Variants in C21orf91 observed in about 807,000 individuals in gnomAD.
The protein encoded by C21orf91 is chromosome 21 open reading frame 91.
A neutral mutation model predicts 32.9 loss-of-function variants in C21orf91; 26 were observed. That is an observed-to-expected ratio of 0.79 (90% CI 0.58 to 1.10). The LOEUF (loss-of-function observed/expected upper bound fraction) is 1.10. C21orf91 is among the 50% of genes least tolerant of loss of function. C21orf91 has a pLI of 0.00. For synonymous variants in C21orf91, 126 were observed against 120.4 expected (o/e 1.05, Z -0.31); for missense variants, 310 against 341.3 (o/e 0.91, Z 0.72).
rs996618723 is a variant in C21orf91 at position 17,816,055 on chromosome 21, T to C, written c.127+2137A>G. The stretch of plus-strand genomic sequence containing the variant: ...GTGAGAGCTGAGAAATGACACCAGA[T>C]AGAGAAGAAATTATTTGACTCTAAT... On this transcript the variant is annotated intron_variant, in intron 2 of 4. Transcript: ENST00000284881. Among the ~76,000 whole-genome samples, 2 of 152,228 alleles carry C rather than the reference T, an allele frequency of 1.3e-5. 1 individual carries two copies. Among genetic ancestry groups the C allele is most frequent in the South Asian group, 4.1e-4 (2 of 4,834 alleles).
intron 2 of C21orf91, among the ~76,000 whole-genome samples, chr21:17,800,397 G>A (rs1378997434): frequency 4.6e-5 from 7 of 152,132 alleles, no homozygotes; most frequent in African/African-American, 1.7e-4. Flanking sequence ...AGAAAATAAT[G>A]TGAGTAGCTC....
At chr21:17,807,007 A>G (rs2062600396) in intron 2 of C21orf91, among the ~76,000 whole-genome samples, 1 of 152,214 alleles carries the variant, frequency 6.6e-6, no homozygotes, top group Admixed American at 6.5e-5. Context: ...TATCCAATAC[A>G]CTTTGTTAAT....
In C21orf91 at chr21:17,793,316, C is replaced by G. The variant is rs1321457084; in HGVS notation, c.*99G>C. ...GCCTTATGTTTGGCAAATTTAATGA[C>G]CATAAAAAAACGGACCACAACTTTC... On this transcript the variant is annotated 3_prime_UTR_variant, in exon 5 of 5. Coordinates refer to ENST00000284881, the MANE Select transcript of C21orf91 (RefSeq NM_001100420.2). 2.4e-6 allele frequency: 2 copies of G among 850,928 alleles called. No individual in the cohort carries two copies. Among genetic ancestry groups the G allele is most frequent in the East Asian group, 5.4e-5 (2 of 36,944 alleles). 52.7% of individuals were successfully genotyped at this position (850,928 alleles called of 1,614,324 possible). A position where few individuals can be genotyped will look rare whatever the true frequency, so the allele number is the denominator to read the frequency against.
At chr21:17,799,338 A>G (rs549696447) in intron 2 of C21orf91, among the ~76,000 whole-genome samples, 2 of 152,250 alleles carry the variant, frequency 1.3e-5, no homozygotes, top group African/African-American at 4.8e-5. Flanking sequence ...AGATGTACCT[A>G]TTGGCTCCTC....
At chr21:17,801,897 G>A (rs2062564270) in intron 2 of C21orf91, among the ~76,000 whole-genome samples, 1 of 150,936 alleles carries the variant, frequency 6.6e-6, no homozygotes, top group Non-Finnish European at 1.5e-5. Flanking sequence ...TATATAGGCT[G>A]TATTTCTGTA....
At chr21:17,815,556 TTATTA>T (rs1358191190) in intron 2 of C21orf91, among the ~76,000 whole-genome samples, 1 of 151,810 alleles carries the variant, frequency 6.6e-6, no homozygotes, top group Non-Finnish European at 1.5e-5. Context: ...TATGTAATTA[TTATTA>T]TGACTTTTTT....
intron 2 of C21orf91, among the ~76,000 whole-genome samples, chr21:17,802,866 G>A (rs1441433596): frequency 6.6e-6 from 1 of 152,154 alleles, no homozygotes; most frequent in South Asian, 2.1e-4. Context: ...ATGTTGAATT[G>A]GATTACATAT....
chr21:17,813,805 T>A (rs1240865228), intron 2 of C21orf91: 2 of 152,224 alleles, frequency 1.3e-5, no homozygotes, highest in African/African-American at 4.8e-5. Flanking sequence ...TGATTTTGAA[T>A]GCTCAACCTG....
At chr21:17,803,780 G>A (rs1236505865) in intron 2 of C21orf91, among the ~76,000 whole-genome samples, 1 of 152,182 alleles carries the variant, frequency 6.6e-6, no homozygotes, top group African/African-American at 2.4e-5. Flanking sequence ...ACTTGTTTCT[G>A]AGGCGCAGAC....
intron 2 of C21orf91, chr21:17,808,850 C>T (rs2062615030): frequency 2.0e-5 from 3 of 152,152 alleles, no homozygotes; most frequent in Admixed American, 1.3e-4. Flanking sequence ...CCACCCAAAT[C>T]TCAGGTTAAA....
At chr21:17,804,693 A>G (rs536003281) in intron 2 of C21orf91, among the ~76,000 whole-genome samples, 11 of 152,314 alleles carry the variant, frequency 7.2e-5, no homozygotes, top group Non-Finnish European at 1.5e-4. Context: ...TGCCATTTTA[A>G]AGTTCCTGTG....
chr21:17,801,340 G>A (rs1264292690), intron 2 of C21orf91, among the ~76,000 whole-genome samples: 1 of 151,124 alleles, frequency 6.6e-6, no homozygotes. Context: ...GTGCGATCTC[G>A]GCTTACTGCA....
chr21:17,812,473 T>C (rs527446175), intron 2 of C21orf91, among the ~76,000 whole-genome samples: 1 of 152,228 alleles, frequency 6.6e-6, no homozygotes, highest in African/African-American at 2.4e-5. Context: ...AGCAATGTCA[T>C]TATTGTAGGA....
intron 2 of C21orf91, 89 bp downstream of exon 2, chr21:17,818,102 AT>A (rs878905234): frequency 1.2e-6 from 1 of 867,416 alleles, no homozygotes; most frequent in South Asian, 1.8e-5. Flanking sequence ...ATTTCCAATC[AT>A]TGAAGACATT....
chr21:17,813,547 G>C (rs1382287726), intron 2 of C21orf91, among the ~76,000 whole-genome samples: 1 of 152,210 alleles, frequency 6.6e-6, no homozygotes, highest in Non-Finnish European at 1.5e-5. Context: ...TCTACACAGA[G>C]AGCAGCCAGA....
rs2146240700 is a variant in C21orf91, at chr21:17,791,153, A to C, written c.*2262T>G. ...GATTAAGAAAACTAACATAGGACTA[A>C]ATTATAAGTTTACCAAACATTTGGA... is the stretch of plus-strand genomic sequence containing the variant. On this transcript the variant is annotated 3_prime_UTR_variant, in exon 5 of 5. Transcript: ENST00000284881. The C allele has an allele frequency of 6.6e-6, 1 of 152,274 alleles. No individual in the cohort carries two copies. The highest frequency in any genetic ancestry group is 1.9e-4 in the East Asian group (1 of 5,188). The allele number at this position is 152,274 out of a possible 1,614,324, so 9.4% of individuals were successfully genotyped here. A position where few individuals can be genotyped will look rare whatever the true frequency, so the allele number is the denominator to read the frequency against.
intron 2 of C21orf91, among the ~76,000 whole-genome samples, chr21:17,799,248 A>G (rs545413749): frequency 7.9e-4 from 121 of 152,322 alleles, no homozygotes; most frequent in African/African-American, 2.8e-3. Context: ...TATAATAGAT[A>G]TCTATTTGAA....
rs1182690793 is a variant in C21orf91 at position 17,792,276 on chromosome 21, A to ACAT, written c.*1136_*1138dup. ...CAACTTACGAGAACATTCTCTTAATACATAGGTTTATTTTTTTTTAATTAG... is the reference window on the plus strand; with the variant it reads ...CAACTTACGAGAACATTCTCTTAATACATCATAGGTTTATTTTTTTTTAATTAG... On this transcript the variant is annotated 3_prime_UTR_variant, in exon 5 of 5. Coordinates refer to ENST00000284881, the MANE Select transcript of C21orf91 (RefSeq NM_001100420.2). The ACAT allele has an allele frequency of 6.6e-6, 1 of 152,136 alleles. No individual in the cohort carries two copies. The highest frequency in any genetic ancestry group is 1.5e-5 in the Non-Finnish European group (1 of 67,990). 9.4% of individuals were successfully genotyped at this position (152,136 alleles called of 1,614,324 possible).
chr21:17,816,386 G>A (rs912240824), intron 2 of C21orf91, among the ~76,000 whole-genome samples: 4 of 152,272 alleles, frequency 2.6e-5, no homozygotes, highest in African/African-American at 9.6e-5. Context: ...GGAAAAATTC[G>A]ATCATGGCAT....
Sources: gnomAD v4.1 joint callset for allele counts (sites outside exome capture counted in the v4.1 genomes callset) on GRCh38, gnomAD v4.1.1 for gene constraint, MANE v1.5 for transcripts, NCBI Gene and HGNC (gene_info 2026-07-23, HGNC 2026-07-21) for gene names.